SEMA3A: variants seen among roughly 807,000 people sequenced by gnomAD.
The protein encoded by SEMA3A is semaphorin 3A.
A neutral mutation model predicts 97.9 loss-of-function variants in SEMA3A; 29 were observed. The observed-to-expected ratio is 0.30, with a 90% CI of 0.22 to 0.40. The LOEUF (loss-of-function observed/expected upper bound fraction) is 0.40. Among genes scored for constraint, SEMA3A ranks in the 10% least tolerant of loss-of-function variants. The probability of loss-of-function intolerance (pLI) is 1.00; values close to 1 mark genes in which losing one functional copy is unlikely to be tolerated. For synonymous variants in SEMA3A, 321 were observed against 323.7 expected, an observed-to-expected ratio of 0.99 and a Z score of 0.09; for missense variants, 763 against 951.3, an observed-to-expected ratio of 0.80 and a Z score of 2.60.
At chr7:84,451,546 G>A (rs2116365914) in intron 1 of SEMA3A, among the ~76,000 whole-genome samples, 1 of 152,284 alleles carries the variant, frequency 6.6e-6, no homozygotes, top group East Asian at 1.9e-4. Flanking sequence ...TATAGAGTAT[G>A]ACAATAGATA....
At chr7:84,133,295 G>C (rs951008785) in intron 2 of SEMA3A, among the ~76,000 whole-genome samples, 1 of 151,994 alleles carries the variant, frequency 6.6e-6, no homozygotes, top group Non-Finnish European at 1.5e-5. Flanking sequence ...ATTTCTTTAT[G>C]TTGTGGTCAG....
At chr7:84,049,889 A>G (rs1367473981) in intron 5 of SEMA3A, among the ~76,000 whole-genome samples, 2 of 112,476 alleles carry the variant, frequency 1.8e-5, no homozygotes, top group African/African-American at 7.2e-5. Context: ...CACAGTCCCC[A>G]GAGTGTGATG....
chr7:84,261,175 G>A, intron 3 of SEMA3A, among the ~76,000 whole-genome samples: 1 of 152,102 alleles, frequency 6.6e-6, no homozygotes, highest in Non-Finnish European at 1.5e-5. Context: ...GAGAGCTGGA[G>A]ACCCATCAGG....
intron 1 of SEMA3A, among the ~76,000 whole-genome samples, chr7:84,451,753 T>G (rs1159850025): frequency 1.3e-5 from 2 of 152,188 alleles, no homozygotes; most frequent in Non-Finnish European, 2.9e-5. Context: ...AGTTTTATGT[T>G]GAGTTCATGT....
intron 1 of SEMA3A, among the ~76,000 whole-genome samples, chr7:84,158,148 CTT>C (rs1187182577): frequency 1.3e-4 from 11 of 82,296 alleles, no homozygotes; most frequent in Admixed American, 1.2e-3. Flanking sequence ...ACAGCTAATT[CTT>C]TTTTTTTTTT....
intron 5 of SEMA3A, among the ~76,000 whole-genome samples, chr7:84,053,126 C>A (rs1792764557): frequency 1.4e-5 from 2 of 138,326 alleles, no homozygotes; most frequent in African/African-American, 2.5e-5. Context: ...GAGAGCTTTA[C>A]TTCCAACTAT....
At chr7:84,382,257 G>A (rs959651481) in intron 1 of SEMA3A, among the ~76,000 whole-genome samples, 1 of 151,610 alleles carries the variant, frequency 6.6e-6, no homozygotes, top group Non-Finnish European at 1.5e-5. Flanking sequence ...ACAGGTGCCT[G>A]CCGCCACCGC....
intron 2 of SEMA3A, among the ~76,000 whole-genome samples, chr7:84,320,448 G>A (rs963993489): frequency 6.6e-6 from 1 of 152,008 alleles, no homozygotes; most frequent in African/African-American, 2.4e-5. Context: ...CTAAGTAGTT[G>A]TTTCCTATGC....
At chr7:84,391,913 T>C (rs972894942) in intron 1 of SEMA3A, among the ~76,000 whole-genome samples, 7 of 150,302 alleles carry the variant, frequency 4.7e-5, no homozygotes, top group African/African-American at 1.7e-4. Flanking sequence ...GTAGCCATGA[T>C]AGTGCCAATA....
At chr7:84,425,054 A>G (rs1239918761) in intron 1 of SEMA3A, among the ~76,000 whole-genome samples, 3 of 104,228 alleles carry the variant, frequency 2.9e-5, no homozygotes, top group Non-Finnish European at 5.1e-5. Context: ...ATATAATTAT[A>G]TAATTATAAT....
Position 84,268,249 on chromosome 7 carries a change from A to ATGTGTGTGTGTG in SEMA3A, c.-83+38946_-83+38957dup, listed in dbSNP as rs66460940. On this transcript the variant is annotated intron_variant, in intron 3 of 3. Coordinates refer to the SEMA3A transcript ENST00000424555. ...AAGATTTTTCCTGAGAGACATAAGC[A>ATGTGTGTGTGTG]TGTGTGTGTGTGTGTGTGTGTGTGT... Among the ~76,000 whole-genome samples the ATGTGTGTGTGTG allele has an allele frequency of 9.8e-4, 129 of 131,034 alleles. 1 individual carries two copies. Among genetic ancestry groups the ATGTGTGTGTGTG allele is most frequent in the Admixed American group, 4.7e-4 (6 of 12,848 alleles). The allele number at this position is 131,034 out of a possible 152,430, so 86.0% of individuals were successfully genotyped here.
chr7:83,986,986 A>ACC (rs1789661526), intron 12 of SEMA3A, among the ~76,000 whole-genome samples: 1 of 151,576 alleles, frequency 6.6e-6, no homozygotes, highest in African/African-American at 2.4e-5. Context: ...ACACACACAC[A>ACC]CACCCACACG....
intron 3 of SEMA3A, among the ~76,000 whole-genome samples, chr7:84,303,429 G>C (rs1801073723): frequency 6.6e-6 from 1 of 151,952 alleles, no homozygotes; most frequent in Non-Finnish European, 1.5e-5. Context: ...CTTGTAAGTG[G>C]TTAGAAAACA....
At chr7:84,203,546 T>TTTC (rs1554345526) in intron 3 of SEMA3A, among the ~76,000 whole-genome samples, 1 of 131,522 alleles carries the variant, frequency 7.6e-6, no homozygotes, top group African/African-American at 2.8e-5. Context: ...TTTTTTTTTT[T>TTTC]CTGAGATAGA....
chr7:84,255,230 A>G (rs1384140032), intron 3 of SEMA3A, among the ~76,000 whole-genome samples: 1 of 152,190 alleles, frequency 6.6e-6, no homozygotes, highest in Non-Finnish European at 1.5e-5. Context: ...ACTGATCACA[A>G]TACAGGCATT....
chr7:84,107,178 T>C (rs1795135050), intron 4 of SEMA3A, among the ~76,000 whole-genome samples: 1 of 152,214 alleles, frequency 6.6e-6, no homozygotes, highest in African/African-American at 2.4e-5. Context: ...GATCTATTAC[T>C]GTCTTCTCCC....
At chr7:84,219,382 C>T (rs1798822535) in intron 3 of SEMA3A, among the ~76,000 whole-genome samples, 1 of 151,954 alleles carries the variant, frequency 6.6e-6, no homozygotes, top group African/African-American at 2.4e-5. Context: ...CTTATTAAGG[C>T]TTTCGGTATA....
At chr7:84,049,013 TA>T (rs1214493241) in intron 5 of SEMA3A, among the ~76,000 whole-genome samples, 2 of 152,086 alleles carry the variant, frequency 1.3e-5, no homozygotes, top group African/African-American at 4.8e-5. Flanking sequence ...CAAATTAATG[TA>T]AAGGCAGAAA....
chr7:83,970,332 A>G (rs1254833559), intron 15 of SEMA3A, among the ~76,000 whole-genome samples: 1 of 152,160 alleles, frequency 6.6e-6, no homozygotes, highest in Non-Finnish European at 1.5e-5. Context: ...TTCCTTTTGT[A>G]ACAACAAAAA....
Sources: allele counts gnomAD v4.1 joint callset (sites outside exome capture counted in the v4.1 genomes callset), GRCh38; gene constraint gnomAD v4.1.1; transcripts MANE v1.5; gene names NCBI Gene and HGNC (gene_info 2026-07-23, HGNC 2026-07-21).